Variants in TACC2 observed in about 807,000 individuals in gnomAD.
The protein encoded by TACC2 is transforming acidic coiled-coil containing protein 2.
In TACC2, 137 loss-of-function variants were observed where a neutral mutation model predicts 227.3. The observed-to-expected ratio is 0.60, with a 90% CI of 0.52 to 0.69. The LOEUF (loss-of-function observed/expected upper bound fraction) is 0.69, where lower values mean the gene tolerates loss of function less well. TACC2 is among the 30% of genes least tolerant of loss of function. The probability of loss-of-function intolerance (pLI) is 0.00; values close to 1 mark genes in which losing one functional copy is unlikely to be tolerated. For synonymous variants in TACC2, 1,523 were observed against 1,487.5 expected, an observed-to-expected ratio of 1.02 and a Z score of -0.55; for missense variants, 3,470 against 3,694.4, an observed-to-expected ratio of 0.94 and a Z score of 1.57.
intron 9 of TACC2, among the ~76,000 whole-genome samples, 179 bp downstream of exon 9, chr10:122,211,887 C>T (rs575982152): frequency 4.8e-4 from 73 of 152,338 alleles, no homozygotes; most frequent in African/African-American, 1.3e-3. Flanking sequence ...TTCCTCTCTG[C>T]GGTCACAGTG....
At chr10:122,100,964 G>A (rs1377222969) in intron 5 of TACC2, among the ~76,000 whole-genome samples, 1 of 152,098 alleles carries the variant, frequency 6.6e-6, no homozygotes, top group African/African-American at 2.4e-5. Flanking sequence ...GACAAACGTT[G>A]TTCTGTGAAG....
At position 122,143,645 on chromosome 10, in the gene TACC2, G is replaced by C; in HGVS notation, c.5773G>C (p.Ala1925Pro). ...ACACATAGTTTCGCCATCTGCCCCA[G>C]CTGGTGACAGAGTAGAAGCTTCCAC... ...AEHIVSPSAP[A>P]GDRVEASTPS... Residue 1925 changes from alanine (A) to proline (P), a missense_variant, in exon 7 of 23, where the codon GCT (alanine) becomes CCT (proline). Ala to Pro is a conservative substitution (Grantham distance 27). Coordinates refer to ENST00000369005, the MANE Select transcript of TACC2 (RefSeq NM_206862.4). The C allele has an allele frequency of 6.2e-7, 1 of 1,614,194 alleles. No homozygotes were observed. Among genetic ancestry groups the C allele is most frequent in the Non-Finnish European group, 8.5e-7 (1 of 1,180,026 alleles).
At chr10:122,196,045 G>C (rs1462581053) in intron 8 of TACC2, among the ~76,000 whole-genome samples, 6 of 152,202 alleles carry the variant, frequency 3.9e-5, no homozygotes. Context: ...GCCACTGCCA[G>C]GGGCCCCCTC....
At chr10:122,224,673 C>T in intron 11 of TACC2, 53 bp from the exon 12 acceptor site, 3 of 1,546,634 alleles carry the variant, frequency 1.9e-6, no homozygotes, top group Non-Finnish European at 2.7e-6. Context: ...TTTCCTCTGG[C>T]ACTAACCTCA....
chr10:122,241,766 G>A (rs1309009062), intron 18 of TACC2, 192 bp from the exon 19 acceptor site: 6 of 616,736 alleles, frequency 9.7e-6, no homozygotes, highest in South Asian at 1.9e-5. Flanking sequence ...GATGTTGAAG[G>A]CTTTGCACAA....
intron 2 of TACC2, among the ~76,000 whole-genome samples, chr10:122,045,086 C>G (rs184672982): frequency 2.0e-5 from 3 of 152,090 alleles, no homozygotes; most frequent in African/African-American, 7.2e-5. Flanking sequence ...GTGGCAAAAG[C>G]GAGAGTTCCC....
At chr10:122,159,879 T>C (rs904774084) in intron 7 of TACC2, among the ~76,000 whole-genome samples, 2 of 152,108 alleles carry the variant, frequency 1.3e-5, no homozygotes, top group African/African-American at 4.8e-5. Context: ...CTATGGCAAC[T>C]GGAGACTCCC....
At chr10:122,248,256 A>G (rs1408600725) in intron 19 of TACC2, 2 of 196,810 alleles carry the variant, frequency 1.0e-5, no homozygotes, top group Non-Finnish European at 2.1e-5. Context: ...ACACCCTTTA[A>G]TCGTCCCAAC....
intron 1 of TACC2, among the ~76,000 whole-genome samples, chr10:122,020,300 CTG>C (rs1405337081): frequency 1.6e-5 from 2 of 127,012 alleles, no homozygotes; most frequent in African/African-American, 6.4e-5. Flanking sequence ...TTTACGTTCT[CTG>C]AGCATGTGAT....
At chr10:122,031,861 C>A (rs1045149318) in intron 2 of TACC2, among the ~76,000 whole-genome samples, 1 of 152,050 alleles carries the variant, frequency 6.6e-6, no homozygotes, top group Non-Finnish European at 1.5e-5. Context: ...TGTGCCGCCA[C>A]ACCTGGCTAA....
intron 11 of TACC2, 143 bp downstream of exon 11, chr10:122,216,971 C>T: frequency 6.7e-7 from 1 of 1,488,284 alleles, no homozygotes; most frequent in Non-Finnish European, 9.0e-7. Flanking sequence ...TCCCGCTGCA[C>T]TTGCAGCTCA....
rs1183854936 is a variant in TACC2 at position 122,254,172 on chromosome 10, AT to A, written c.*119del. On this transcript the variant is annotated 3_prime_UTR_variant, in exon 23 of 23. Transcript: ENST00000369005. ...TTCACTTTTTCGTATGCACTACTGT[AT>A]TTCCTTTCTAAATAAAATTGATTTG... 1.2e-6 allele frequency: 1 copy of A among 828,948 alleles called. No homozygotes were observed. The allele number at this position is 828,948 out of a possible 1,614,324, so 51.3% of individuals were successfully genotyped here.
chr10:122,208,180 G>C (rs977924295), intron 8 of TACC2, among the ~76,000 whole-genome samples: 3 of 152,202 alleles, frequency 2.0e-5, no homozygotes, highest in African/African-American at 7.2e-5. Flanking sequence ...CTCCAGGTAG[G>C]CCCTGGGTGG....
At chr10:122,134,296 C>T (rs1016724477) in intron 6 of TACC2, among the ~76,000 whole-genome samples, 17 of 152,054 alleles carry the variant, frequency 1.1e-4, no homozygotes, top group South Asian at 2.1e-4. Flanking sequence ...CTCAGCCTCC[C>T]GAGAAGCTGG....
intron 5 of TACC2, among the ~76,000 whole-genome samples, chr10:122,096,619 C>T (rs2081456342): frequency 6.6e-6 from 1 of 151,480 alleles, no homozygotes; most frequent in African/African-American, 2.4e-5. Context: ...TCACCTGAAC[C>T]CAGGAGGCAG....
intron 3 of TACC2, chr10:122,052,741 C>T (rs2075841508): frequency 6.6e-6 from 1 of 151,626 alleles, no homozygotes; most frequent in African/African-American, 2.4e-5. Flanking sequence ...AAGCAGCTTC[C>T]TGTTCACAAT....
chr10:122,109,123 G>A (rs1480549568), intron 5 of TACC2, among the ~76,000 whole-genome samples: 1 of 143,576 alleles, frequency 7.0e-6, no homozygotes, highest in African/African-American at 2.5e-5. Flanking sequence ...AAACATGCAT[G>A]TACAAGTATC....
At chr10:122,253,916 C>T (rs1459813269) in intron 22 of TACC2, 75 bp from the exon 23 acceptor site, 2 of 1,308,262 alleles carry the variant, frequency 1.5e-6, no homozygotes. Context: ...CCCCCATCTC[C>T]CCAAAAAGCC....
At position 122,012,418 on chromosome 10, in the gene TACC2, C is replaced by CAA. The variant is rs752342348; in HGVS notation, c.-45-9499_-45-9498dup. The stretch of plus-strand genomic sequence containing the variant: ...CTGGTGCCAGAGCAAGACTCCGTCT[C>CAA]AAAAAAAAAAAAAAAAAAAAAGATG... On this transcript the variant is annotated intron_variant, in intron 1 of 22. Transcript: ENST00000369005. Among the ~76,000 whole-genome samples, 18 of 60,710 alleles carry CAA rather than the reference C, an allele frequency of 3.0e-4. 2 individuals carry two copies. Among genetic ancestry groups the CAA allele is most frequent in the African/African-American group, 9.3e-4 (13 of 13,920 alleles). 39.8% of individuals were successfully genotyped at this position (60,710 alleles called of 152,430 possible).
Sources: gnomAD v4.1 joint callset for allele counts (sites outside exome capture counted in the v4.1 genomes callset) on GRCh38, gnomAD v4.1.1 for gene constraint, MANE v1.5 for transcripts, NCBI Gene and HGNC (gene_info 2026-07-23, HGNC 2026-07-21) for gene names.